Variants in UBAC2 observed in about 807,000 individuals in gnomAD.
The protein encoded by UBAC2 is UBA domain containing 2, also known as ubiquitin-associated domain-containing protein 2.
In UBAC2, 26 loss-of-function variants were observed where a neutral mutation model predicts 44.0. That is an observed-to-expected ratio of 0.59 (90% CI 0.43 to 0.82). The LOEUF is 0.82. Among genes scored for constraint, UBAC2 ranks in the 40% least tolerant of loss-of-function variants. The pLI, the probability that UBAC2 is intolerant of heterozygous loss-of-function variation, is 0.00. For synonymous variants in UBAC2, 155 were observed against 154.3 expected, an observed-to-expected ratio of 1.00 and a Z score of -0.04; for missense variants, 329 against 419.4, an observed-to-expected ratio of 0.78 and a Z score of 1.88.
At chr13:99,290,242 G>A (rs2044071604) in intron 4 of UBAC2, among the ~76,000 whole-genome samples, 1 of 152,184 alleles carries the variant, frequency 6.6e-6, no homozygotes, top group African/African-American at 2.4e-5. Context: ...CACTTTATAT[G>A]TAAAGTGCTT....
intron 4 of UBAC2, among the ~76,000 whole-genome samples, chr13:99,257,768 A>G (rs535497235): frequency 1.3e-5 from 2 of 152,344 alleles, no homozygotes; most frequent in Non-Finnish European, 2.9e-5. Flanking sequence ...GAACATTCCT[A>G]AATATACATA....
chr13:99,218,853 G>A (rs994757444), intron 1 of UBAC2, among the ~76,000 whole-genome samples: 7 of 152,136 alleles, frequency 4.6e-5, no homozygotes, highest in South Asian at 2.1e-4. Context: ...CGTGGTCACC[G>A]AATCTAAGTT....
At chr13:99,356,025 A>G in intron 7 of UBAC2, 1 of 400,340 alleles carries the variant, frequency 2.5e-6, no homozygotes, top group Non-Finnish European at 5.5e-6. Flanking sequence ...CCTGTTTGTA[A>G]AATTGTACCT....
At chr13:99,353,711 T>A (rs978366126) in intron 7 of UBAC2, among the ~76,000 whole-genome samples, 1 of 135,406 alleles carries the variant, frequency 7.4e-6, no homozygotes, top group Non-Finnish European at 1.6e-5. Context: ...TCATAATCAT[T>A]CTGGGAAGTT....
chr13:99,230,620 T>G (rs1311584943), intron 1 of UBAC2, among the ~76,000 whole-genome samples: 3 of 152,218 alleles, frequency 2.0e-5, no homozygotes, highest in Non-Finnish European at 4.4e-5. Context: ...TTCTTCGCCT[T>G]TTGTAGCTTT....
chr13:99,201,610 T>G, intron 1 of UBAC2: 2 of 1,607,306 alleles, frequency 1.2e-6, no homozygotes, highest in South Asian at 2.2e-5. Context: ...ACGGCTTTTC[T>G]CACTGAGTGT....
intron 4 of UBAC2, among the ~76,000 whole-genome samples, chr13:99,282,783 GA>G (rs1207904361): frequency 6.6e-6 from 1 of 151,868 alleles, no homozygotes; most frequent in Non-Finnish European, 1.5e-5. Context: ...ATTGTTCTAA[GA>G]AAAAAAATTC....
intron 4 of UBAC2, among the ~76,000 whole-genome samples, chr13:99,252,867 A>C (rs2043475920): frequency 6.6e-6 from 1 of 152,036 alleles, no homozygotes; most frequent in African/African-American, 2.4e-5. Flanking sequence ...TATCAATAGA[A>C]TCTTTTGTTG....
intron 7 of UBAC2, among the ~76,000 whole-genome samples, chr13:99,348,701 A>G (rs1034602422): frequency 6.6e-6 from 1 of 152,238 alleles, no homozygotes; most frequent in Non-Finnish European, 1.5e-5. Context: ...TAGTCATAAT[A>G]TGAACGTTGT....
chr13:99,331,163 T>G (rs1480378867), intron 6 of UBAC2, among the ~76,000 whole-genome samples: 1 of 152,254 alleles, frequency 6.6e-6, no homozygotes, highest in Non-Finnish European at 1.5e-5. Flanking sequence ...GTCCTGGCCA[T>G]TGAGCTGTAA....
intron 1 of UBAC2, among the ~76,000 whole-genome samples, chr13:99,206,281 G>T (rs750963025): frequency 1.3e-5 from 2 of 152,184 alleles, no homozygotes; most frequent in East Asian, 3.8e-4. Context: ...CTCCAGAGGT[G>T]GGGGGACAGT....
chr13:99,252,644 T>C (rs2043472456), intron 4 of UBAC2, among the ~76,000 whole-genome samples: 1 of 152,232 alleles, frequency 6.6e-6, no homozygotes. Flanking sequence ...ACCTATTATT[T>C]TTTGTTAGTA....
intron 1 of UBAC2, among the ~76,000 whole-genome samples, chr13:99,214,310 G>A (rs2042967311): frequency 6.7e-6 from 1 of 148,994 alleles, no homozygotes; most frequent in Non-Finnish European, 1.5e-5. Flanking sequence ...GATCTTGCTT[G>A]GCCGTTCTTG....
chr13:99,373,276 A>G (rs1263493923), intron 8 of UBAC2, among the ~76,000 whole-genome samples: 2 of 151,730 alleles, frequency 1.3e-5, no homozygotes, highest in Non-Finnish European at 2.9e-5. Context: ...TTTTTTTAAA[A>G]CCAAAGGGGG....
intron 8 of UBAC2, among the ~76,000 whole-genome samples, chr13:99,375,970 ATTTTTTTTTT>A (rs34164759): frequency 1.5e-5 from 2 of 130,838 alleles, no homozygotes; most frequent in African/African-American, 5.7e-5. Context: ...AGCCCAGCTA[ATTTTTTTTTT>A]TTTTTTTTTT....
chr13:99,239,368 A>G (rs898987452), intron 2 of UBAC2, among the ~76,000 whole-genome samples: 5 of 152,226 alleles, frequency 3.3e-5, no homozygotes, highest in Non-Finnish European at 7.3e-5. Flanking sequence ...ACACATTAGA[A>G]TCACCTGAAA....
intron 4 of UBAC2, among the ~76,000 whole-genome samples, chr13:99,298,846 A>G (rs1168649645): frequency 6.6e-6 from 1 of 152,200 alleles, no homozygotes; most frequent in African/African-American, 2.4e-5. Context: ...AATTCCAGGC[A>G]AGGGTTGCAG....
At chr13:99,280,804 C>T (rs2043942990) in intron 4 of UBAC2, among the ~76,000 whole-genome samples, 1 of 151,372 alleles carries the variant, frequency 6.6e-6, no homozygotes, top group Non-Finnish European at 1.5e-5. Flanking sequence ...TCTTCCTTCC[C>T]TCCCTTCTTC....
At chr13:99,344,053 C>G (rs1413341411) in intron 7 of UBAC2, among the ~76,000 whole-genome samples, 2 of 152,206 alleles carry the variant, frequency 1.3e-5, no homozygotes, top group Non-Finnish European at 2.9e-5. Context: ...GCAGAATTAG[C>G]ATGTTTCACT....
Sources: gnomAD v4.1 joint callset for allele counts (sites outside exome capture counted in the v4.1 genomes callset) on GRCh38, gnomAD v4.1.1 for gene constraint, MANE v1.5 for transcripts, NCBI Gene and HGNC (gene_info 2026-07-23, HGNC 2026-07-21) for gene names.